MLLT3: variants seen among roughly 807,000 people sequenced by gnomAD.
The protein encoded by MLLT3 is MLLT3 super elongation complex subunit.
MLLT3 carries 4 observed loss-of-function variants against 53.2 expected under a neutral mutation model. The ratio of observed to expected loss-of-function variants is 0.08; its 90% CI spans 0.04 to 0.17. MLLT3 has a LOEUF of 0.17. Among genes scored for constraint, MLLT3 ranks in the 10% least tolerant of loss-of-function variants. MLLT3 has a pLI of 1.00. For synonymous variants in MLLT3, 283 were observed against 230.6 expected (o/e 1.23, Z -2.06); for missense variants, 569 against 684.0 (o/e 0.83, Z 1.87).
At chr9:20,361,957 T>G (rs1177656679) in intron 7 of MLLT3, among the ~76,000 whole-genome samples, 1 of 152,242 alleles carries the variant, frequency 6.6e-6, no homozygotes, top group African/African-American at 2.4e-5. Flanking sequence ...AAGGATACAC[T>G]GGGACATCCT....
chr9:20,569,925 C>A (rs1432739952), intron 2 of MLLT3, among the ~76,000 whole-genome samples: 2 of 152,150 alleles, frequency 1.3e-5, no homozygotes, highest in Non-Finnish European at 2.9e-5. Flanking sequence ...CTCCAATAAC[C>A]CTAGCAGAAA....
chr9:20,429,768 T>G (rs1823222880), intron 4 of MLLT3, among the ~76,000 whole-genome samples: 1 of 152,140 alleles, frequency 6.6e-6, no homozygotes, highest in African/African-American at 2.4e-5. Flanking sequence ...ACAAAATTCC[T>G]TACAAACATG....
At chr9:20,566,980 G>C (rs1045033802) in intron 2 of MLLT3, among the ~76,000 whole-genome samples, 1 of 152,016 alleles carries the variant, frequency 6.6e-6, no homozygotes, top group African/African-American at 2.4e-5. Flanking sequence ...CTGATCTCAA[G>C]GGCAGTCTTA....
chr9:20,411,284 A>G (rs915989950), intron 5 of MLLT3: 1 of 153,474 alleles, frequency 6.5e-6, no homozygotes, highest in Admixed American at 6.5e-5. Flanking sequence ...GGTAGGAGAC[A>G]GTCCAAACAA....
At chr9:20,356,744 C>T (rs1466174666) in intron 8 of MLLT3, among the ~76,000 whole-genome samples, 5 of 152,100 alleles carry the variant, frequency 3.3e-5, no homozygotes, top group Admixed American at 3.3e-4. Flanking sequence ...AGAGTTCTGC[C>T]ACCTTTTCTT....
Position 20,376,252 on chromosome 9 carries a change from C to T in MLLT3, c.1126-10508G>A, listed in dbSNP as rs75211761. Among the ~76,000 whole-genome samples, 477 of 152,214 alleles carry T rather than the reference C, an allele frequency of 3.1e-3. 2 individuals carry two copies. Among genetic ancestry groups the T allele is most frequent in the African/African-American group, 0.011 (441 of 41,540 alleles). ...ACTCTACATCTCTTTTTAGTAGATG[C>T]TCTCCATTTGTATTACGACAACTTG... On this transcript the variant is annotated intron_variant, in intron 5 of 10. Coordinates refer to ENST00000380338, the MANE Select transcript of MLLT3 (RefSeq NM_004529.4).
At chr9:20,591,833 A>C (rs956317498) in intron 2 of MLLT3, among the ~76,000 whole-genome samples, 9 of 152,218 alleles carry the variant, frequency 5.9e-5, no homozygotes, top group African/African-American at 2.2e-4. Flanking sequence ...ATTAATTCCC[A>C]AATGGAAAAG....
At chr9:20,416,033 C>T (rs1275478757) in intron 4 of MLLT3, among the ~76,000 whole-genome samples, 2 of 151,766 alleles carry the variant, frequency 1.3e-5, no homozygotes, top group African/African-American at 2.4e-5. Flanking sequence ...CCTTAGAAAA[C>T]ATCATAATCT....
chr9:20,599,245 A>G (rs1203990939), intron 2 of MLLT3, among the ~76,000 whole-genome samples: 2 of 151,490 alleles, frequency 1.3e-5, no homozygotes, highest in East Asian at 3.9e-4. Flanking sequence ...TGGAGGTTGC[A>G]GTGAGCCAAG....
At chr9:20,444,960 G>A (rs897663885) in intron 4 of MLLT3, among the ~76,000 whole-genome samples, 10 of 151,282 alleles carry the variant, frequency 6.6e-5, no homozygotes, top group South Asian at 2.1e-4. Context: ...ATGTGGTGGC[G>A]TGCATCTGTA....
intron 2 of MLLT3, among the ~76,000 whole-genome samples, chr9:20,567,227 G>A (rs2131159521): frequency 6.8e-6 from 1 of 147,366 alleles, no homozygotes; most frequent in South Asian, 2.1e-4. Flanking sequence ...AATTAGGCTG[G>A]GTCCCTTTTC....
At chr9:20,617,482 A>C (rs1391710006) in intron 2 of MLLT3, among the ~76,000 whole-genome samples, 1 of 152,204 alleles carries the variant, frequency 6.6e-6, no homozygotes, top group African/African-American at 2.4e-5. Flanking sequence ...ATGTCAGTGA[A>C]ACAAATTGCA....
chr9:20,621,703 G>C lies in MLLT3; in HGVS notation c.12+542C>G, dbSNP rs1802064753. On this transcript the variant is annotated intron_variant, in intron 1 of 10. Transcript: ENST00000380338. The surrounding 1 kb of genome is among the most constrained non-coding windows in gnomAD (Gnocchi z 7.0). Reference sequence around the variant, plus strand: ...CAGCACCTCCCGGCGCTGGGGCAAAGTTGCGTGCGGCCCCGCCGCTGTCAG... The same window carrying C: ...CAGCACCTCCCGGCGCTGGGGCAAACTTGCGTGCGGCCCCGCCGCTGTCAG... 4 of 1,451,076 alleles carry C rather than the reference G, an allele frequency of 2.8e-6. No individual in the cohort carries two copies. The highest frequency in any genetic ancestry group is 3.7e-6 in the Non-Finnish European group (4 of 1,095,372). 89.9% of individuals were successfully genotyped at this position (1,451,076 alleles called of 1,614,324 possible). A position where few individuals can be genotyped will look rare whatever the true frequency, so the allele number is the denominator to read the frequency against.
intron 2 of MLLT3, among the ~76,000 whole-genome samples, chr9:20,485,578 T>C (rs375743225): frequency 1.5e-4 from 23 of 152,322 alleles, no homozygotes; most frequent in African/African-American, 4.6e-4. Context: ...TAAGAAGCCA[T>C]GAAATGTCAC....
At chr9:20,383,561 T>C (rs1821956469) in intron 5 of MLLT3, among the ~76,000 whole-genome samples, 1 of 151,912 alleles carries the variant, frequency 6.6e-6, no homozygotes, top group African/African-American at 2.4e-5. Flanking sequence ...TCGCTAATGT[T>C]AGAATGTTGA....
intron 5 of MLLT3, among the ~76,000 whole-genome samples, chr9:20,382,741 A>G (rs1821936771): frequency 6.6e-6 from 1 of 151,980 alleles, no homozygotes; most frequent in African/African-American, 2.4e-5. Context: ...GTATAACAGG[A>G]TCTTAAATCA....
chr9:20,503,903 A>G (rs182529245), intron 2 of MLLT3, among the ~76,000 whole-genome samples: 83 of 152,344 alleles, frequency 5.4e-4, no homozygotes, highest in Admixed American at 2.8e-3. Context: ...ACTTGAAAAG[A>G]CATTTCTCAA....
At chr9:20,379,992 C>A (rs1212011479) in intron 5 of MLLT3, among the ~76,000 whole-genome samples, 1 of 152,034 alleles carries the variant, frequency 6.6e-6, no homozygotes, top group South Asian at 2.1e-4. Flanking sequence ...TACATCTCCT[C>A]GTTCATGAAT....
At chr9:20,419,289 A>T (rs935419385) in intron 4 of MLLT3, among the ~76,000 whole-genome samples, 2 of 152,188 alleles carry the variant, frequency 1.3e-5, no homozygotes, top group African/African-American at 4.8e-5. Context: ...GCAGTATAAA[A>T]GATCAAATGA....
Sources: allele counts gnomAD v4.1 joint callset (sites outside exome capture counted in the v4.1 genomes callset), GRCh38; gene constraint gnomAD v4.1.1; non-coding constraint Gnocchi (gnomAD v3.1); transcripts MANE v1.5; gene names NCBI Gene and HGNC (gene_info 2026-07-23, HGNC 2026-07-21).